Variants in TMEM65 observed in about 807,000 individuals in gnomAD.
TMEM65 encodes transmembrane protein 65.
TMEM65 carries 22 observed loss-of-function variants against 25.4 expected under a neutral mutation model. That is an observed-to-expected ratio of 0.86 (90% CI 0.62 to 1.23). The LOEUF (loss-of-function observed/expected upper bound fraction) is 1.23. Among genes scored for constraint, TMEM65 ranks in the 50% most tolerant of loss-of-function variants. TMEM65 has a pLI of 0.00. For missense variants in TMEM65, 262 were observed against 308.2 expected (o/e 0.85, Z 1.12); for synonymous variants, 132 against 126.2 (o/e 1.05, Z -0.31).
Position 124,309,345 on chromosome 8 carries a change from G to A in TMEM65, c.*4615C>T, listed in dbSNP as rs1814129146. 1 of 152,184 alleles carries A rather than the reference G, an allele frequency of 6.6e-6. No individual in the cohort carries two copies. The highest frequency in any genetic ancestry group is 2.1e-4 in the South Asian group (1 of 4,828). 9.4% of individuals were successfully genotyped at this position (152,184 alleles called of 1,614,324 possible). A position where few individuals can be genotyped will look rare whatever the true frequency, so the allele number is the denominator to read the frequency against. ...AAGAGTCAACTGTAAATGATTTGCTGATGGGAATATCTACAGACTTTTTTG... is the reference window on the plus strand; with the variant it reads ...AAGAGTCAACTGTAAATGATTTGCTAATGGGAATATCTACAGACTTTTTTG... On this transcript the variant is annotated 3_prime_UTR_variant, in exon 7 of 7. Coordinates refer to ENST00000297632, the MANE Select transcript of TMEM65 (RefSeq NM_194291.3).
Position 124,354,136 on chromosome 8 carries a change from C to A in TMEM65, c.304+17718G>T, listed in dbSNP as rs554451383. 3.9e-4 allele frequency among the ~76,000 whole-genome samples: 60 copies of A among 152,154 alleles called. 2 individuals carry two copies. The South Asian group carries it at 0.012, about 32-fold the overall frequency. On this transcript the variant is annotated intron_variant, in intron 1 of 6. Coordinates refer to ENST00000297632, the MANE Select transcript of TMEM65 (RefSeq NM_194291.3). ...TCTCTCAAAGACGTGCTACAAAAAA[C>A]CCAAAGACATGCTACAAAAAAACTG... is the stretch of plus-strand genomic sequence containing the variant.
At chr8:124,361,669 A>G (rs1814863489) in intron 1 of TMEM65, among the ~76,000 whole-genome samples, 1 of 150,632 alleles carries the variant, frequency 6.6e-6, no homozygotes, top group Non-Finnish European at 1.5e-5. Context: ...CCCCGTCTCT[A>G]TTTAAAAAAT....
chr8:124,365,519 T>C (rs115539774), intron 1 of TMEM65, among the ~76,000 whole-genome samples: 5 of 152,322 alleles, frequency 3.3e-5, no homozygotes, highest in African/African-American at 1.2e-4. Flanking sequence ...GTAGGATGAA[T>C]AATGGCCCCC....
intron 1 of TMEM65, among the ~76,000 whole-genome samples, chr8:124,349,477 T>C (rs374973874): frequency 1.3e-5 from 2 of 152,338 alleles, no homozygotes; most frequent in East Asian, 1.9e-4. Flanking sequence ...AACTATTACA[T>C]GGTTCCAAAA....
chr8:124,335,585 G>C lies in TMEM65; in HGVS notation c.305-4793C>G, dbSNP rs377598282. ...CATCATAACATTAAGGATGAACGGG[G>C]CAGTAAATGGACTGATTTGGTAATT... On this transcript the variant is annotated intron_variant, in intron 1 of 6. Coordinates refer to ENST00000297632, the MANE Select transcript of TMEM65 (RefSeq NM_194291.3). 6.6e-5 allele frequency among the ~76,000 whole-genome samples: 10 copies of C among 152,156 alleles called. No homozygotes were observed. In the East Asian group the frequency reaches 1.5e-3, roughly 23 times the overall value.
chr8:124,325,259 C>T (rs1814354261), intron 3 of TMEM65, among the ~76,000 whole-genome samples: 1 of 151,916 alleles, frequency 6.6e-6, no homozygotes, highest in African/African-American at 2.4e-5. Context: ...TCATAGCTGT[C>T]CCACAATGAG....
In TMEM65 at chr8:124,314,078, G is replaced by A. The variant is rs961315738; in HGVS notation, c.622-17C>T. Reference sequence around the variant, plus strand: ...AGCTTTGCCCTAAGGAAACAAAAGAGAACATTTTTAAAGTTACTTTATCTC... The same window carrying A: ...AGCTTTGCCCTAAGGAAACAAAAGAAAACATTTTTAAAGTTACTTTATCTC... On this transcript the variant is annotated splice_polypyrimidine_tract_variant and intron_variant, in intron 6 of 6. Transcript: ENST00000297632. 9 of 1,597,670 alleles carry A rather than the reference G, an allele frequency of 5.6e-6. No homozygotes were observed. Among genetic ancestry groups the A allele is most frequent in the Non-Finnish European group, 7.7e-6 (9 of 1,167,498 alleles).
intron 3 of TMEM65, among the ~76,000 whole-genome samples, chr8:124,324,809 T>C (rs1431555708): frequency 1.3e-5 from 2 of 152,020 alleles, no homozygotes; most frequent in Admixed American, 6.6e-5. Flanking sequence ...CTGTGTCCCA[T>C]AGTTACATCA....
At chr8:124,351,766 A>G (rs1158462568) in intron 1 of TMEM65, among the ~76,000 whole-genome samples, 1 of 152,082 alleles carries the variant, frequency 6.6e-6, no homozygotes, top group Non-Finnish European at 1.5e-5. Context: ...CCATAAGTTC[A>G]CCTTCCCTAA....
At chr8:124,363,397 AG>A (rs1196454036) in intron 1 of TMEM65, among the ~76,000 whole-genome samples, 1 of 152,226 alleles carries the variant, frequency 6.6e-6, no homozygotes, top group Non-Finnish European at 1.5e-5. Flanking sequence ...TAATTATTGT[AG>A]GCCACAGAAA....
chr8:124,354,296 A>G (rs1254561524), intron 1 of TMEM65, among the ~76,000 whole-genome samples: 2 of 152,206 alleles, frequency 1.3e-5, no homozygotes, highest in East Asian at 1.9e-4. Context: ...TTTTTGCTCT[A>G]AAGAATTACT....
rs1214855028 is a variant in TMEM65 at position 124,309,287 on chromosome 8, A to AG, written c.*4672dup. 6.6e-6 allele frequency: 1 copy of AG among 152,210 alleles called. No homozygotes were observed. The highest frequency in any genetic ancestry group is 1.5e-5 in the Non-Finnish European group (1 of 68,034). 9.4% of individuals were successfully genotyped at this position (152,210 alleles called of 1,614,324 possible). A position where few individuals can be genotyped will look rare whatever the true frequency, so the allele number is the denominator to read the frequency against. On this transcript the variant is annotated 3_prime_UTR_variant, in exon 7 of 7. Coordinates refer to ENST00000297632, the MANE Select transcript of TMEM65 (RefSeq NM_194291.3). ...GTTGTATTCAGATTTTCAGCAGCACAGGGGGTTGGTGTCCCTAATCCCTCC... is the reference window on the plus strand; with the variant it reads ...GTTGTATTCAGATTTTCAGCAGCACAGGGGGGTTGGTGTCCCTAATCCCTCC...
intron 2 of TMEM65, 64 bp from the exon 3 acceptor site, chr8:124,327,485 AGAT>A (rs1226718744): frequency 5.6e-6 from 6 of 1,068,456 alleles, no homozygotes; most frequent in Non-Finnish European, 6.8e-6. Flanking sequence ...TGACAAAAAC[AGAT>A]GATATGATCA....
intron 1 of TMEM65, among the ~76,000 whole-genome samples, chr8:124,359,511 G>A (rs1814832518): frequency 1.3e-5 from 2 of 152,116 alleles, no homozygotes; most frequent in Admixed American, 1.3e-4. Context: ...GGAGACCATG[G>A]CAGGCAGATC....
At chr8:124,334,662 G>C (rs1814481469) in intron 1 of TMEM65, among the ~76,000 whole-genome samples, 1 of 150,562 alleles carries the variant, frequency 6.6e-6, no homozygotes, top group Non-Finnish European at 1.5e-5. Flanking sequence ...TACTCAGGAG[G>C]CTGCGGCAGG....
intron 3 of TMEM65, among the ~76,000 whole-genome samples, chr8:124,323,901 G>A (rs1814335652): frequency 7.6e-6 from 1 of 131,064 alleles, no homozygotes; most frequent in Non-Finnish European, 1.7e-5. Flanking sequence ...ACGGCATTTA[G>A]TACAATAGAT....
At chr8:124,322,051 G>T in intron 5 of TMEM65, 54 bp downstream of exon 5, 1 of 1,240,886 alleles carries the variant, frequency 8.1e-7, no homozygotes, top group Non-Finnish European at 1.1e-6. Context: ...GAAGAGTGGG[G>T]AACAGAAAGA....
At chr8:124,334,779 A>G (rs571623070) in intron 1 of TMEM65, among the ~76,000 whole-genome samples, 24 of 150,350 alleles carry the variant, frequency 1.6e-4, no homozygotes, top group South Asian at 4.2e-4. Flanking sequence ...AAAAAAAAAA[A>G]AAAGAAAGAA....
At chr8:124,323,424 A>G (rs1466594597) in intron 3 of TMEM65, 49 bp from the exon 4 acceptor site, 2 of 1,045,530 alleles carry the variant, frequency 1.9e-6, no homozygotes, top group Non-Finnish European at 2.8e-6. Flanking sequence ...TGAAGTGACT[A>G]TAAAAGAATA....
Sources: allele counts gnomAD v4.1 joint callset (sites outside exome capture counted in the v4.1 genomes callset), GRCh38; gene constraint gnomAD v4.1.1; transcripts MANE v1.5; gene names NCBI Gene and HGNC (gene_info 2026-07-23, HGNC 2026-07-21).